STT3B: variants seen among roughly 807,000 people sequenced by gnomAD.
STT3B encodes STT3 oligosaccharyltransferase complex catalytic subunit B.
In STT3B, 29 loss-of-function variants were observed where a neutral mutation model predicts 96.8. The ratio of observed to expected loss-of-function variants is 0.30; its 90% CI spans 0.22 to 0.41. STT3B has a LOEUF of 0.41. Ranked by LOEUF, STT3B falls within the 10% of genes least tolerant of loss-of-function variation. STT3B has a pLI of 1.00. For missense variants in STT3B, 640 were observed against 1,022.3 expected, an observed-to-expected ratio of 0.63 and a Z score of 5.10; for synonymous variants, 367 against 360.0, an observed-to-expected ratio of 1.02 and a Z score of -0.22.
intron 3 of STT3B, among the ~76,000 whole-genome samples, chr3:31,591,761 G>A (rs905580896): frequency 6.6e-6 from 1 of 151,874 alleles, no homozygotes; most frequent in African/African-American, 2.4e-5. Context: ...ATTAAATTAA[G>A]AAAACAATCA....
intron 9 of STT3B, among the ~76,000 whole-genome samples, 194 bp from the exon 10 acceptor site, chr3:31,621,899 TTTTA>T (rs1699437847): frequency 6.6e-6 from 1 of 152,184 alleles, no homozygotes; most frequent in Admixed American, 6.5e-5. Flanking sequence ...GATGTGTAGG[TTTTA>T]TTTAGTGAAC....
At chr3:31,627,540 T>G in intron 13 of STT3B, among the ~76,000 whole-genome samples, 1 of 152,208 alleles carries the variant, frequency 6.6e-6, no homozygotes, top group South Asian at 2.1e-4. Flanking sequence ...TTTTACATGA[T>G]GAAGGCACAA....
chr3:31,538,949 T>G (rs1304845636), intron 1 of STT3B, among the ~76,000 whole-genome samples: 1 of 152,134 alleles, frequency 6.6e-6, no homozygotes, highest in East Asian at 1.9e-4. Context: ...TTTTGTTTGT[T>G]TTTAAAGTCG....
At position 31,636,306 on chromosome 3, in the gene STT3B, T is replaced by G. The variant is rs927697220; in HGVS notation, c.*242T>G. ...CTGTAAATGTCTAGCAGCAGATTTT[T>G]TTTTTATTGGTACATATTATCCTTC... On this transcript the variant is annotated 3_prime_UTR_variant, in exon 16 of 16. Coordinates refer to ENST00000295770, the MANE Select transcript of STT3B (RefSeq NM_178862.3). 4 of 333,802 alleles carry G rather than the reference T, an allele frequency of 1.2e-5. No homozygotes were observed. Among genetic ancestry groups the G allele is most frequent in the Non-Finnish European group, 2.2e-5 (4 of 181,634 alleles). 20.7% of individuals were successfully genotyped at this position (333,802 alleles called of 1,614,324 possible). A position where few individuals can be genotyped will look rare whatever the true frequency, so the allele number is the denominator to read the frequency against.
At chr3:31,619,010 A>G (rs374027655) in intron 8 of STT3B, among the ~76,000 whole-genome samples, 1 of 152,068 alleles carries the variant, frequency 6.6e-6, no homozygotes, top group Non-Finnish European at 1.5e-5. Flanking sequence ...AGGGTGTTTC[A>G]GTAATAATTT....
At chr3:31,583,100 TG>T (rs1399007446) in intron 3 of STT3B, among the ~76,000 whole-genome samples, 2 of 152,208 alleles carry the variant, frequency 1.3e-5, no homozygotes, top group Non-Finnish European at 2.9e-5. Flanking sequence ...CCTGTCTGGT[TG>T]TTCTATCCAT....
chr3:31,568,577 T>C (rs1383256305), intron 1 of STT3B, among the ~76,000 whole-genome samples: 2 of 152,228 alleles, frequency 1.3e-5, no homozygotes, highest in Non-Finnish European at 2.9e-5. Flanking sequence ...TGTTATCTGA[T>C]TATAGTTTTG....
intron 5 of STT3B, among the ~76,000 whole-genome samples, chr3:31,608,268 C>T (rs1357194485): frequency 6.6e-6 from 1 of 152,140 alleles, no homozygotes; most frequent in African/African-American, 2.4e-5. Context: ...GTGTTGATTA[C>T]ATAAAGTGAG....
chr3:31,597,843 A>ATTT (rs760449210), intron 4 of STT3B, among the ~76,000 whole-genome samples: 43 of 148,532 alleles, frequency 2.9e-4, no homozygotes, highest in African/African-American at 1.0e-3. Context: ...TATTATTATT[A>ATTT]TTTTTTTTTT....
At chr3:31,539,956 G>A (rs898513223) in intron 1 of STT3B, among the ~76,000 whole-genome samples, 1 of 152,198 alleles carries the variant, frequency 6.6e-6, no homozygotes, top group Non-Finnish European at 1.5e-5. Context: ...TAGTGTATGT[G>A]TTGGCCCCCT....
At chr3:31,625,387 T>A (rs778163044) in intron 12 of STT3B, among the ~76,000 whole-genome samples, 1 of 152,232 alleles carries the variant, frequency 6.6e-6, no homozygotes, top group Non-Finnish European at 1.5e-5. Flanking sequence ...TTTCGTGTTA[T>A]AAACTAAAAA....
rs1410384378 is a variant in STT3B, at chr3:31,637,196, G to A, written c.*1132G>A. On this transcript the variant is annotated 3_prime_UTR_variant, in exon 16 of 16. Transcript: ENST00000295770. ...TCCAGCTTATAGGCAACTTTATACAGACTTGAACATTTTCTCCAGTTGTTT... is the reference window on the plus strand; with the variant it reads ...TCCAGCTTATAGGCAACTTTATACAAACTTGAACATTTTCTCCAGTTGTTT... 2 of 152,134 alleles carry A rather than the reference G, an allele frequency of 1.3e-5. No homozygotes were observed. Among genetic ancestry groups the A allele is most frequent in the Admixed American group, 1.3e-4 (2 of 15,270 alleles). 9.4% of individuals were successfully genotyped at this position (152,134 alleles called of 1,614,324 possible).
chr3:31,573,151 GAA>G (rs911751773), intron 1 of STT3B, among the ~76,000 whole-genome samples: 10 of 152,134 alleles, frequency 6.6e-5, no homozygotes, highest in Admixed American at 3.9e-4. Context: ...AAGATGGAAA[GAA>G]GAGAGGTAAT....
chr3:31,621,392 C>G (rs988868393), intron 9 of STT3B, among the ~76,000 whole-genome samples: 1 of 152,070 alleles, frequency 6.6e-6, no homozygotes, highest in African/African-American at 2.4e-5. Flanking sequence ...TGTATATATA[C>G]AAATTCATTG....
intron 1 of STT3B, among the ~76,000 whole-genome samples, chr3:31,569,217 C>T (rs1164796091): frequency 6.6e-6 from 1 of 152,056 alleles, no homozygotes; most frequent in Non-Finnish European, 1.5e-5. Flanking sequence ...TTCTCGAACT[C>T]CTGGGCTCAA....
intron 1 of STT3B, among the ~76,000 whole-genome samples, chr3:31,554,825 G>T (rs1385316561): frequency 1.3e-5 from 2 of 152,048 alleles, no homozygotes. Flanking sequence ...TATTTTGCCA[G>T]CTGCTGGTTT....
At position 31,607,553 on chromosome 3, in the gene STT3B, C is replaced by G. The variant is rs868113566; in HGVS notation, c.877+7094C>G. 5.9e-5 allele frequency among the ~76,000 whole-genome samples: 9 copies of G among 152,156 alleles called. 1 individual carries two copies. The highest frequency in any genetic ancestry group is 1.2e-4 in the Non-Finnish European group (8 of 68,020). ...TGCCACCTTGATTGTGAGGCCTCCT[C>G]AGCCACATGGAACTGTGAGCATTAA... On this transcript the variant is annotated intron_variant, in intron 5 of 15. Transcript: ENST00000295770.
intron 4 of STT3B, among the ~76,000 whole-genome samples, chr3:31,597,442 G>A (rs1698818085): frequency 6.6e-6 from 1 of 151,988 alleles, no homozygotes; most frequent in African/African-American, 2.4e-5. Context: ...ACAGGCATGA[G>A]CCACCATGCC....
chr3:31,594,165 A>G (rs187239383), intron 3 of STT3B, among the ~76,000 whole-genome samples: 152 of 152,352 alleles, frequency 1.0e-3, no homozygotes, highest in African/African-American at 2.1e-3. Flanking sequence ...CACCAAAACA[A>G]TAATCATCAA....
Sources: allele counts gnomAD v4.1 joint callset (sites outside exome capture counted in the v4.1 genomes callset), GRCh38; gene constraint gnomAD v4.1.1; transcripts MANE v1.5; gene names NCBI Gene and HGNC (gene_info 2026-07-23, HGNC 2026-07-21).